GATAD2B: variants seen among roughly 807,000 people sequenced by gnomAD.
GATAD2B encodes transcriptional repressor p66-beta.
A neutral mutation model predicts 64.3 loss-of-function variants in GATAD2B; 8 were observed. That is an observed-to-expected ratio of 0.12 (90% confidence interval 0.07 to 0.22). The LOEUF (loss-of-function observed/expected upper bound fraction) is 0.22. Ranked by LOEUF, GATAD2B falls within the 10% of genes least tolerant of loss-of-function variation. GATAD2B has a pLI of 1.00. For synonymous variants in GATAD2B, 281 were observed against 271.3 expected (o/e 1.04, Z -0.35); for missense variants, 453 against 752.0 (o/e 0.60, Z 4.65).
chr1:153,852,693 A>T, intron 1 of GATAD2B: 1 of 919,312 alleles, frequency 1.1e-6, no homozygotes, highest in South Asian at 1.3e-5. Context: ...AGCTTCTTTA[A>T]CCCTGCTGAG....
chr1:153,862,684 C>T (rs1297854053), intron 1 of GATAD2B, among the ~76,000 whole-genome samples: 3 of 151,176 alleles, frequency 2.0e-5, no homozygotes, highest in Non-Finnish European at 2.9e-5. Context: ...TTAGAAAAAG[C>T]GTTAATTTGC....
chr1:153,847,874 A>T (rs904108093), intron 1 of GATAD2B, among the ~76,000 whole-genome samples: 2 of 152,122 alleles, frequency 1.3e-5, no homozygotes, highest in African/African-American at 4.8e-5. Context: ...TGTTGGATAT[A>T]CTGTTTAACT....
At chr1:153,871,750 C>A (rs1224220048) in intron 1 of GATAD2B, among the ~76,000 whole-genome samples, 1 of 152,062 alleles carries the variant, frequency 6.6e-6, no homozygotes, top group East Asian at 1.9e-4. Context: ...GGATTACAGG[C>A]ATGAGACACC....
intron 1 of GATAD2B, among the ~76,000 whole-genome samples, chr1:153,861,620 A>G (rs1438857252): frequency 7.2e-6 from 1 of 138,564 alleles, no homozygotes; most frequent in Non-Finnish European, 1.6e-5. Flanking sequence ...CATCTCTACT[A>G]AAAAAAAAAA....
At chr1:153,881,645 G>A (rs1445844364) in intron 1 of GATAD2B, among the ~76,000 whole-genome samples, 1 of 152,070 alleles carries the variant, frequency 6.6e-6, no homozygotes, top group Non-Finnish European at 1.5e-5. Context: ...GATTGGGGAG[G>A]GCAAGACAGT....
intron 2 of GATAD2B, among the ~76,000 whole-genome samples, chr1:153,822,481 A>C (rs1432565677): frequency 6.6e-6 from 1 of 152,198 alleles, no homozygotes; most frequent in Admixed American, 6.5e-5. Context: ...CACCGGTATT[A>C]GGTAGATAGC....
At chr1:153,885,386 A>T in intron 1 of GATAD2B, among the ~76,000 whole-genome samples, 1 of 152,132 alleles carries the variant, frequency 6.6e-6, no homozygotes, top group South Asian at 2.1e-4. Flanking sequence ...AGCTAAGGAC[A>T]TGAGCTTCAA....
intron 4 of GATAD2B, 131 bp downstream of exon 4, chr1:153,818,660 A>G (rs920370059): frequency 6.4e-6 from 5 of 775,344 alleles, no homozygotes; most frequent in South Asian, 1.8e-5. Context: ...AAAAATCACT[A>G]CTACTACAGA....
chr1:153,879,321 C>T (rs925568302), intron 1 of GATAD2B, among the ~76,000 whole-genome samples: 2 of 152,042 alleles, frequency 1.3e-5, no homozygotes, highest in Non-Finnish European at 2.9e-5. Flanking sequence ...GTGATCCACC[C>T]ACCTCGGCCT....
At chr1:153,835,663 G>C (rs986598915) in intron 1 of GATAD2B, among the ~76,000 whole-genome samples, 5 of 152,094 alleles carry the variant, frequency 3.3e-5, no homozygotes, top group African/African-American at 1.2e-4. Context: ...TGTTTTCTTA[G>C]ACATAATCCT....
intron 1 of GATAD2B, among the ~76,000 whole-genome samples, chr1:153,904,203 C>T (rs1205239718): frequency 6.6e-6 from 1 of 151,936 alleles, no homozygotes; most frequent in Non-Finnish European, 1.5e-5. Context: ...TCATTTGAAA[C>T]TGGAAGACAG....
intron 1 of GATAD2B, among the ~76,000 whole-genome samples, chr1:153,838,683 G>C (rs1160866284): frequency 6.6e-6 from 1 of 152,160 alleles, no homozygotes; most frequent in Non-Finnish European, 1.5e-5. Context: ...TTTACATTCA[G>C]AGGAAGAAAA....
At chr1:153,817,228 C>G (rs1674507948) in intron 6 of GATAD2B, 144 bp downstream of exon 6, 2 of 683,936 alleles carry the variant, frequency 2.9e-6, no homozygotes, top group Admixed American at 3.5e-5. Context: ...TTTGGGACTG[C>G]TCTCAATTAA....
intron 1 of GATAD2B, among the ~76,000 whole-genome samples, chr1:153,902,175 C>G (rs564648571): frequency 6.6e-6 from 1 of 150,526 alleles, no homozygotes; most frequent in South Asian, 2.1e-4. Flanking sequence ...AGCTACTCAG[C>G]AAGGCTGAGG....
At chr1:153,871,847 G>A (rs1340366018) in intron 1 of GATAD2B, among the ~76,000 whole-genome samples, 1 of 152,164 alleles carries the variant, frequency 6.6e-6, no homozygotes, top group Non-Finnish European at 1.5e-5. Context: ...CTACTTGGGG[G>A]GCTGAGGCAG....
At chr1:153,842,193 T>G (rs966503915) in intron 1 of GATAD2B, among the ~76,000 whole-genome samples, 1 of 152,228 alleles carries the variant, frequency 6.6e-6, no homozygotes, top group African/African-American at 2.4e-5. Flanking sequence ...AATATTTCAT[T>G]GTGGTTTCAA....
chr1:153,815,303 A>AAAAAAG (rs1557780311), intron 7 of GATAD2B, among the ~76,000 whole-genome samples: 15 of 148,808 alleles, frequency 1.0e-4, no homozygotes, highest in African/African-American at 3.7e-4. Context: ...CAAAAAAAAA[A>AAAAAAG]AAAAGAAAAG....
intron 1 of GATAD2B, among the ~76,000 whole-genome samples, chr1:153,853,759 T>C (rs1297239361): frequency 6.6e-6 from 1 of 152,242 alleles, no homozygotes; most frequent in Non-Finnish European, 1.5e-5. Flanking sequence ...AACTCTTTAA[T>C]CCATTTTGGG....
At chr1:153,901,025 C>T (rs574222847) in intron 1 of GATAD2B, among the ~76,000 whole-genome samples, 35 of 151,998 alleles carry the variant, frequency 2.3e-4, no homozygotes, top group Non-Finnish European at 4.9e-4. Context: ...ACCAGCCTGG[C>T]CAACCTGGCA....
Sources: allele counts gnomAD v4.1 joint callset (sites outside exome capture counted in the v4.1 genomes callset), GRCh38; gene constraint gnomAD v4.1.1; transcripts MANE v1.5; gene names NCBI Gene and HGNC (gene_info 2026-07-23, HGNC 2026-07-21).